Variants in NET1 observed in about 807,000 individuals in gnomAD.
NET1 encodes the protein neuroepithelial cell-transforming gene 1 protein.
Under a neutral mutation model 61.1 loss-of-function variants are expected in NET1, and 42 were observed. That is an observed-to-expected ratio of 0.69 (90% CI 0.54 to 0.89). NET1 has a LOEUF of 0.89. Among genes scored for constraint, NET1 ranks in the 40% least tolerant of loss-of-function variants. The pLI is 0.00. For synonymous variants in NET1, 254 were observed against 281.8 expected (o/e 0.90, Z 0.99); for missense variants, 654 against 747.3 (o/e 0.88, Z 1.46).
At chr10:5,442,336 T>C (rs988870874) in intron 3 of NET1, among the ~76,000 whole-genome samples, 1 of 152,234 alleles carries the variant, frequency 6.6e-6, no homozygotes, top group African/African-American at 2.4e-5. Flanking sequence ...CTTGTTATTG[T>C]TCCAGGTAAA....
rs1009237014 is a variant in NET1, at chr10:5,416,903, TC to T, written c.128+4084del. On this transcript the variant is annotated intron_variant, in intron 1 of 11. Transcript: ENST00000355029. The surrounding 1 kb of genome is among the most constrained non-coding windows in gnomAD (Gnocchi z 6.1). ...GCCATCCGTAGGCGGCTTGTATTCATCAGCTCAGTTAGACCCCTGCCTTATT... is the reference window on the plus strand; with the variant it reads ...GCCATCCGTAGGCGGCTTGTATTCATAGCTCAGTTAGACCCCTGCCTTATT... Among the ~76,000 whole-genome samples, 25 of 152,306 alleles carry T rather than the reference TC, an allele frequency of 1.6e-4. No individual in the cohort carries two copies. The highest frequency in any genetic ancestry group is 5.8e-4 in the African/African-American group (24 of 41,564).
intron 2 of NET1, among the ~76,000 whole-genome samples, chr10:5,428,499 C>T (rs57489971): frequency 3.4e-5 from 5 of 147,690 alleles, no homozygotes; most frequent in African/African-American, 1.2e-4. Flanking sequence ...TGTTCCTTTT[C>T]AAAAAAAAAA....
At chr10:5,434,492 T>A (rs980887141) in intron 3 of NET1, among the ~76,000 whole-genome samples, 22 of 152,282 alleles carry the variant, frequency 1.4e-4, no homozygotes, top group African/African-American at 5.1e-4. Flanking sequence ...CTGAGACTAG[T>A]ATGCCATTGA....
At chr10:5,414,842 A>G (rs1431754617) in intron 1 of NET1, among the ~76,000 whole-genome samples, 1 of 152,164 alleles carries the variant, frequency 6.6e-6, no homozygotes, top group Non-Finnish European at 1.5e-5. Flanking sequence ...TGGATGATAT[A>G]TAGTTTTGAA....
At position 5,441,251 on chromosome 10, in the gene NET1, C is replaced by A. The variant is rs1832521670; in HGVS notation, c.256-10579C>A. 1.3e-5 allele frequency among the ~76,000 whole-genome samples: 2 copies of A among 152,224 alleles called. No homozygotes were observed. Among genetic ancestry groups the A allele is most frequent in the African/African-American group, 4.8e-5 (2 of 41,468 alleles). On this transcript the variant is annotated intron_variant, in intron 3 of 11. Coordinates refer to ENST00000355029, the MANE Select transcript of NET1 (RefSeq NM_001047160.3). This position sits in a 1 kb window ranked among gnomAD's most constrained non-coding sequence, Gnocchi z 4.6. ...TGTCCATCCCACACACCCGTGGCTA[C>A]ACATGTGCATGTGCCACACAGCAGC...
At position 5,441,691 on chromosome 10, in the gene NET1, T is replaced by C. The variant is rs1372739547; in HGVS notation, c.256-10139T>C. Among the ~76,000 whole-genome samples, 2 of 152,256 alleles carry C rather than the reference T, an allele frequency of 1.3e-5. No individual in the cohort carries two copies. The highest frequency in any genetic ancestry group is 4.8e-5 in the African/African-American group (2 of 41,472). On this transcript the variant is annotated intron_variant, in intron 3 of 11. Coordinates refer to ENST00000355029, the MANE Select transcript of NET1 (RefSeq NM_001047160.3). This position sits in a 1 kb window ranked among gnomAD's most constrained non-coding sequence, Gnocchi z 4.6. Reference sequence around the variant, plus strand: ...TAAAGTGTGTCTAATAATACTTAATTGGTCTAAACTGATGTTTTTTCCCCA... The same window carrying C: ...TAAAGTGTGTCTAATAATACTTAATCGGTCTAAACTGATGTTTTTTCCCCA...
In NET1 at chr10:5,424,077, G is replaced by T. The variant is rs2119171616; in HGVS notation, c.129-2578G>T. 6.6e-6 allele frequency among the ~76,000 whole-genome samples: 1 copy of T among 152,226 alleles called. No homozygotes were observed. The highest frequency in any genetic ancestry group is 2.1e-4 in the South Asian group (1 of 4,824). ...TCTTTCCAGCTTTTAGATGCCAAATGCATTCTGAGGTTAGTGTGGTCATTT... is the reference window on the plus strand; with the variant it reads ...TCTTTCCAGCTTTTAGATGCCAAATTCATTCTGAGGTTAGTGTGGTCATTT... On this transcript the variant is annotated intron_variant, in intron 1 of 11. Transcript: ENST00000355029. The surrounding 1 kb of genome is among the most constrained non-coding windows in gnomAD (Gnocchi z 6.1).
rs780188577 is a variant in NET1 at position 5,456,172 on chromosome 10, G to A, written c.1283G>A (p.Arg428Gln). ...RNERHSYQVY[R>Q]QPIPVQELVL... is the part of the protein sequence containing the mutation. ...GAACGGCACTCTTACCAGGTTTACCGGCAGCCAATCCCAGTCCAAGAGCTA... is the reference window on the plus strand; with the variant it reads ...GAACGGCACTCTTACCAGGTTTACCAGCAGCCAATCCCAGTCCAAGAGCTA... Residue 428 changes from arginine to glutamine, a missense_variant, in exon 11 of 12, where the codon CGG (arginine) becomes CAG (glutamine). Coordinates refer to ENST00000355029, the MANE Select transcript of NET1 (RefSeq NM_001047160.3). This position sits in a 1 kb window ranked among gnomAD's most constrained non-coding sequence, Gnocchi z 7.0. The A allele has an allele frequency of 5.0e-5, 81 of 1,614,148 alleles. No homozygotes were observed. Among genetic ancestry groups the A allele is most frequent in the South Asian group, 4.9e-4 (45 of 91,072 alleles).
chr10:5,456,060 T>C lies in NET1; in HGVS notation c.1198-27T>C, dbSNP rs2119218172. ...GTCACTTAAAAACACAAGTTTCCTA[T>C]TTAGCGTTTGTTTCCCATTTCTCCA... On this transcript the variant is annotated intron_variant, in intron 10 of 11. Coordinates refer to ENST00000355029, the MANE Select transcript of NET1 (RefSeq NM_001047160.3). This position sits in a 1 kb window ranked among gnomAD's most constrained non-coding sequence, Gnocchi z 7.0. 1.3e-6 allele frequency: 2 copies of C among 1,592,128 alleles called. No individual in the cohort carries two copies. Among genetic ancestry groups the C allele is most frequent in the South Asian group, 2.3e-5 (2 of 88,330 alleles).
In NET1 at chr10:5,446,647, G is replaced by T. The variant is rs1055305620; in HGVS notation, c.256-5183G>T. 3.1e-6 allele frequency: 4 copies of T among 1,303,080 alleles called. No individual in the cohort carries two copies. Among genetic ancestry groups the T allele is most frequent in the African/African-American group, 1.5e-5 (1 of 66,668 alleles). 80.7% of individuals were successfully genotyped at this position (1,303,080 alleles called of 1,614,324 possible). A position where few individuals can be genotyped will look rare whatever the true frequency, so the allele number is the denominator to read the frequency against. On this transcript the variant is annotated intron_variant, in intron 3 of 11. Transcript: ENST00000355029. The surrounding 1 kb of genome is among the most constrained non-coding windows in gnomAD (Gnocchi z 5.0). ...CCACCGCGGCGAGAGGCATGGGCAC[G>T]TGGCTGCCGAGGGTGGCCGAGCTCT...
In NET1 at chr10:5,422,743, C is replaced by A. The variant is rs11253170; in HGVS notation, c.129-3912C>A. On this transcript the variant is annotated intron_variant, in intron 1 of 11. Transcript: ENST00000355029. The surrounding 1 kb of genome is among the most constrained non-coding windows in gnomAD (Gnocchi z 4.1). ...ACCCTAGTATGATAGGAGACATAGT[C>A]TACATGATTGTCAGAAGTGGAAGAA... 6.6e-6 allele frequency among the ~76,000 whole-genome samples: 1 copy of A among 151,980 alleles called. No homozygotes were observed. Among genetic ancestry groups the A allele is most frequent in the Non-Finnish European group, 1.5e-5 (1 of 67,996 alleles).
rs1832769632 is a variant in NET1, at chr10:5,454,727, G to A, written c.1026+205G>A. Among the ~76,000 whole-genome samples the A allele has an allele frequency of 6.6e-6, 1 of 152,202 alleles. No homozygotes were observed. The highest frequency in any genetic ancestry group is 2.4e-5 in the African/African-American group (1 of 41,456). ...GCACATTTTGTATCTTAAGGGACAG[G>A]ATTCTCATCTGATCTCACCTTGTCA... is the stretch of plus-strand genomic sequence containing the variant. On this transcript the variant is annotated intron_variant, in intron 9 of 11. Coordinates refer to ENST00000355029, the MANE Select transcript of NET1 (RefSeq NM_001047160.3). The surrounding 1 kb of genome is among the most constrained non-coding windows in gnomAD (Gnocchi z 8.1).
rs1832704651 is a variant in NET1, at chr10:5,451,601, C to T, written c.256-229C>T. 6.6e-6 allele frequency among the ~76,000 whole-genome samples: 1 copy of T among 151,574 alleles called. No individual in the cohort carries two copies. The highest frequency in any genetic ancestry group is 1.5e-5 in the Non-Finnish European group (1 of 67,946). On this transcript the variant is annotated intron_variant, in intron 3 of 11. Coordinates refer to ENST00000355029, the MANE Select transcript of NET1 (RefSeq NM_001047160.3). The surrounding 1 kb of genome is among the most constrained non-coding windows in gnomAD (Gnocchi z 6.1). ...CCTTGTTTGAATTTTAATTTTTTCCCCTATTGGAAATATTTGACTGGCCTT... is the reference window on the plus strand; with the variant it reads ...CCTTGTTTGAATTTTAATTTTTTCCTCTATTGGAAATATTTGACTGGCCTT...
At chr10:5,445,256 C>T (rs78912436) in intron 3 of NET1, among the ~76,000 whole-genome samples, 3 of 151,996 alleles carry the variant, frequency 2.0e-5, no homozygotes, top group South Asian at 2.1e-4. Context: ...CATTCAAGGC[C>T]GCACAGACAT....
chr10:5,427,620 T>A lies in NET1; in HGVS notation c.195+899T>A, dbSNP rs1163715680. Among the ~76,000 whole-genome samples, 1 of 152,258 alleles carries A rather than the reference T, an allele frequency of 6.6e-6. No individual in the cohort carries two copies. Among genetic ancestry groups the A allele is most frequent in the Non-Finnish European group, 1.5e-5 (1 of 68,048 alleles). On this transcript the variant is annotated intron_variant, in intron 2 of 11. Coordinates refer to ENST00000355029, the MANE Select transcript of NET1 (RefSeq NM_001047160.3). This position sits in a 1 kb window ranked among gnomAD's most constrained non-coding sequence, Gnocchi z 4.1. The stretch of plus-strand genomic sequence containing the variant: ...ATTATTCATAATTTTCTGTATCTTC[T>A]GGGTATGACCTTGGGATCAGTAAAA...
In NET1 at chr10:5,446,753, G is replaced by A. The variant is rs765742019; in HGVS notation, c.256-5077G>A. ...GGATTGATTGGAAAGGTTTGAGGGA[G>A]TACTTGGGAAGCATGGTGGCACATG... On this transcript the variant is annotated intron_variant, in intron 3 of 11. Transcript: ENST00000355029. The surrounding 1 kb of genome is among the most constrained non-coding windows in gnomAD (Gnocchi z 5.0). 1.3e-6 allele frequency: 2 copies of A among 1,598,272 alleles called. No individual in the cohort carries two copies. The highest frequency in any genetic ancestry group is 1.7e-4 in the Middle Eastern group (1 of 6,004).
rs754293398 is a variant in NET1, at chr10:5,431,660, C to T, written c.255+2431C>T. On this transcript the variant is annotated intron_variant, in intron 3 of 11. Coordinates refer to ENST00000355029, the MANE Select transcript of NET1 (RefSeq NM_001047160.3). The surrounding 1 kb of genome is among the most constrained non-coding windows in gnomAD (Gnocchi z 4.9). Reference sequence around the variant, plus strand: ...TTCCTTTGTCAGTTTTCAACAATAACGAATTCTATTCATTAGCATTCTCTG... The same window carrying T: ...TTCCTTTGTCAGTTTTCAACAATAATGAATTCTATTCATTAGCATTCTCTG... Among the ~76,000 whole-genome samples, 9 of 151,836 alleles carry T rather than the reference C, an allele frequency of 5.9e-5. No homozygotes were observed. Among genetic ancestry groups the T allele is most frequent in the Admixed American group, 1.3e-4 (2 of 15,232 alleles).
rs1425486293 is a variant in NET1 at position 5,426,576 on chromosome 10, G to A, written c.129-79G>A. On this transcript the variant is annotated intron_variant, in intron 1 of 11. Transcript: ENST00000355029. This position sits in a 1 kb window ranked among gnomAD's most constrained non-coding sequence, Gnocchi z 4.6. ...TTAAACGGTTTTGAAAGTATGAAAA[G>A]TATAGCTTTTTATCTGTTTGATGCT... is the stretch of plus-strand genomic sequence containing the variant. 6 of 1,142,040 alleles carry A rather than the reference G, an allele frequency of 5.3e-6. No homozygotes were observed. The highest frequency in any genetic ancestry group is 7.7e-6 in the Non-Finnish European group (6 of 782,796). The allele number at this position is 1,142,040 out of a possible 1,614,324, so 70.7% of individuals were successfully genotyped here. A position where few individuals can be genotyped will look rare whatever the true frequency, so the allele number is the denominator to read the frequency against.
rs980441448 is a variant in NET1 at position 5,443,846 on chromosome 10, T to G, written c.256-7984T>G. ...TTGGCTCATTTCTGTTGGAACTAAG[T>G]GGAAAAACAGTTTCAAGAAAGACAT... On this transcript the variant is annotated intron_variant, in intron 3 of 11. Coordinates refer to ENST00000355029, the MANE Select transcript of NET1 (RefSeq NM_001047160.3). The surrounding 1 kb of genome is among the most constrained non-coding windows in gnomAD (Gnocchi z 4.8). Among the ~76,000 whole-genome samples, 2 of 152,154 alleles carry G rather than the reference T, an allele frequency of 1.3e-5. No homozygotes were observed. Among genetic ancestry groups the G allele is most frequent in the African/African-American group, 4.8e-5 (2 of 41,418 alleles).
Sources: gnomAD v4.1 joint callset for allele counts (sites outside exome capture counted in the v4.1 genomes callset) on GRCh38, gnomAD v4.1.1 for gene constraint, Gnocchi (gnomAD v3.1) non-coding constraint, MANE v1.5 for transcripts, NCBI Gene and HGNC (gene_info 2026-07-23, HGNC 2026-07-21) for gene names.